Variants in GRM7 observed in about 807,000 individuals in gnomAD.
The protein encoded by GRM7 is metabotropic glutamate receptor 7.
GRM7 carries 35 observed loss-of-function variants against 84.5 expected under a neutral mutation model. That is an observed-to-expected ratio of 0.41 (90% CI 0.32 to 0.55). The LOEUF (loss-of-function observed/expected upper bound fraction) is 0.55, where lower values mean the gene tolerates loss of function less well. GRM7 is among the 20% of genes least tolerant of loss of function. GRM7 has a pLI of 0.19. For missense variants in GRM7, 1,003 were observed against 1,194.6 expected (o/e 0.84, Z 2.36); for synonymous variants, 487 against 455.1 (o/e 1.07, Z -0.89).
intron 2 of GRM7, among the ~76,000 whole-genome samples, chr3:7,255,256 G>T (rs1359607840): frequency 1.3e-5 from 2 of 152,282 alleles, no homozygotes; most frequent in East Asian, 3.9e-4. Context: ...AATTGGAAAG[G>T]CTAAATAGTG....
chr3:6,951,767 C>A (rs1462334565), intron 1 of GRM7, among the ~76,000 whole-genome samples: 1 of 152,116 alleles, frequency 6.6e-6, no homozygotes, highest in South Asian at 2.1e-4. Flanking sequence ...CTATAAATGT[C>A]AATTAGGTCA....
At chr3:6,972,290 A>C (rs374554275) in intron 1 of GRM7, among the ~76,000 whole-genome samples, 1 of 152,286 alleles carries the variant, frequency 6.6e-6, no homozygotes. Flanking sequence ...TCTGAGTTAG[A>C]TTTTGAATAC....
At chr3:7,196,689 C>T (rs971813017) in intron 2 of GRM7, among the ~76,000 whole-genome samples, 6 of 152,058 alleles carry the variant, frequency 3.9e-5, no homozygotes, top group African/African-American at 1.4e-4. Context: ...CTTATCAGGC[C>T]CCCTTAGCAT....
At position 7,182,717 on chromosome 3, in the gene GRM7, G is replaced by A. The variant is rs115461379; in HGVS notation, c.736+36049G>A. 6.0e-4 allele frequency among the ~76,000 whole-genome samples: 91 copies of A among 152,192 alleles called. 1 individual carries two copies. The highest frequency in any genetic ancestry group is 2.2e-3 in the African/African-American group (91 of 41,530). ...CCTTTCCTAATCTCACCAATAGTAA[G>A]AAGCCATGTCTAGGGTAAACAAATT... On this transcript the variant is annotated intron_variant, in intron 2 of 9. Transcript: ENST00000357716.
At position 6,996,313 on chromosome 3, in the gene GRM7, G is replaced by T. The variant is rs528498704; in HGVS notation, c.519+134406G>T. Among the ~76,000 whole-genome samples the T allele has an allele frequency of 4.8e-4, 73 of 152,246 alleles. 1 individual carries two copies. In the South Asian group the frequency reaches 0.015, roughly 30 times the overall value. On this transcript the variant is annotated intron_variant, in intron 1 of 9. Coordinates refer to ENST00000357716, the MANE Select transcript of GRM7 (RefSeq NM_000844.4). ...TCCACCTGCTTCGGTCTCCCAAAGT[G>T]CTGGGATTACTGACATGAGCCACCA...
chr3:7,492,344 CT>C (rs948296860), intron 7 of GRM7, among the ~76,000 whole-genome samples: 2 of 152,024 alleles, frequency 1.3e-5, no homozygotes, highest in East Asian at 1.9e-4. Context: ...TAAAAGTTCA[CT>C]TTTTTTGTAG....
chr3:7,660,065 G>A (rs61471077), intron 8 of GRM7, among the ~76,000 whole-genome samples: 3,476 of 152,212 alleles, frequency 0.023, 62 homozygotes, highest in Middle Eastern at 0.068. Flanking sequence ...AATATAGGAT[G>A]TAAGCTAAAA....
chr3:7,394,828 T>G (rs1280359580), intron 4 of GRM7, among the ~76,000 whole-genome samples: 1 of 152,090 alleles, frequency 6.6e-6, no homozygotes, highest in East Asian at 1.9e-4. Context: ...ACCTGAGGAC[T>G]GGAGTTCAAG....
chr3:7,096,040 C>T (rs1574896089), intron 1 of GRM7, among the ~76,000 whole-genome samples: 2 of 152,142 alleles, frequency 1.3e-5, no homozygotes, highest in South Asian at 2.1e-4. Context: ...ACAATGTTTA[C>T]AGTTATGTGA....
chr3:7,737,844 T>G (rs1474211008), intron 9 of GRM7, among the ~76,000 whole-genome samples: 4 of 107,044 alleles, frequency 3.7e-5, no homozygotes, highest in Admixed American at 8.6e-5. Context: ...ATTCTCCCAA[T>G]TTTTTTTTTT....
chr3:7,416,760 G>A (rs1440648965), intron 5 of GRM7, among the ~76,000 whole-genome samples: 1 of 152,048 alleles, frequency 6.6e-6, no homozygotes, highest in African/African-American at 2.4e-5. Context: ...TAGAATAGTG[G>A]GGGAAAAGGG....
Position 7,740,656 on chromosome 3 carries a change from A to T in GRM7, c.*250A>T, listed in dbSNP as rs1249807311. The T allele has an allele frequency of 2.8e-6, 1 of 363,184 alleles. No homozygotes were observed. The highest frequency in any genetic ancestry group is 2.1e-5 in the African/African-American group (1 of 47,376). The allele number at this position is 363,184 out of a possible 1,614,324, so 22.5% of individuals were successfully genotyped here. On this transcript the variant is annotated 3_prime_UTR_variant, in exon 10 of 10. Transcript: ENST00000357716. ...TGCAATTGTGGACCTTCCCTACCAA[A>T]GGGAGTGTTGAAACTCAAGTCCCGC...
intron 7 of GRM7, among the ~76,000 whole-genome samples, chr3:7,563,844 GACAA>G (rs1694143114): frequency 6.6e-6 from 1 of 152,146 alleles, no homozygotes; most frequent in Admixed American, 6.5e-5. Flanking sequence ...GTCAACTTCA[GACAA>G]ACAGTCATTG....
At chr3:7,465,234 G>C (rs1050404258) in intron 7 of GRM7, among the ~76,000 whole-genome samples, 4 of 152,132 alleles carry the variant, frequency 2.6e-5, no homozygotes, top group Non-Finnish European at 5.9e-5. Context: ...GGTGGATGCA[G>C]TAGTTTATAC....
chr3:7,024,226 C>A (rs1201686489), intron 1 of GRM7, among the ~76,000 whole-genome samples: 1 of 152,106 alleles, frequency 6.6e-6, no homozygotes, highest in Non-Finnish European at 1.5e-5. Context: ...TCTTTAGTAA[C>A]AGAAAAACTC....
rs543565988 is a variant in GRM7, at chr3:7,718,399, G to A, written c.2699-21958G>A. Among the ~76,000 whole-genome samples the A allele has an allele frequency of 1.9e-4, 29 of 152,242 alleles. No homozygotes were observed. In the South Asian group the frequency reaches 5.8e-3, roughly 30 times the overall value. On this transcript the variant is annotated intron_variant, in intron 9 of 9. Coordinates refer to ENST00000357716, the MANE Select transcript of GRM7 (RefSeq NM_000844.4). ...AAATGAACCCTATAACTCACTGACT[G>A]TTTATAAAGGGTTTAGGTATAACAA...
chr3:7,595,400 G>A (rs1462687123), intron 8 of GRM7, among the ~76,000 whole-genome samples: 1 of 152,172 alleles, frequency 6.6e-6, no homozygotes, highest in Non-Finnish European at 1.5e-5. Flanking sequence ...GGATCTGCTA[G>A]ATACTTTCCT....
At chr3:6,917,802 A>C (rs1696993875) in intron 1 of GRM7, among the ~76,000 whole-genome samples, 1 of 152,198 alleles carries the variant, frequency 6.6e-6, no homozygotes. Flanking sequence ...ATTGGAAACT[A>C]GGATTTGAGG....
rs186909305 is a variant in GRM7 at position 7,570,289 on chromosome 3, C to G, written c.1516-8133C>G. Among the ~76,000 whole-genome samples, 7 of 152,266 alleles carry G rather than the reference C, an allele frequency of 4.6e-5. No individual in the cohort carries two copies. In the East Asian group the frequency reaches 1.4e-3, roughly 29 times the overall value. On this transcript the variant is annotated intron_variant, in intron 7 of 9. Coordinates refer to ENST00000357716, the MANE Select transcript of GRM7 (RefSeq NM_000844.4). ...TTCTTAAATCATTTCAGCATTAACT[C>G]AAAAGTCCACAGTCCAGCGTCTCAT...
Sources: allele counts gnomAD v4.1 joint callset (sites outside exome capture counted in the v4.1 genomes callset), GRCh38; gene constraint gnomAD v4.1.1; transcripts MANE v1.5; gene names NCBI Gene and HGNC (gene_info 2026-07-23, HGNC 2026-07-21).